SPG7: variants seen among roughly 807,000 people sequenced by gnomAD.
SPG7 encodes the protein SPG7 matrix AAA peptidase subunit, paraplegin.
A neutral mutation model predicts 81.9 loss-of-function variants in SPG7; 103 were observed. That is an observed-to-expected ratio of 1.26 (90% confidence interval 1.07 to 1.48). The LOEUF is 1.48. Among genes scored for constraint, SPG7 ranks in the 40% most tolerant of loss-of-function variants. SPG7 has a pLI of 0.00. For synonymous variants in SPG7, 534 were observed against 444.2 expected, an observed-to-expected ratio of 1.20 and a Z score of -2.54; for missense variants, 1,241 against 1,087.3, an observed-to-expected ratio of 1.14 and a Z score of -1.99.
Position 89,537,097 on chromosome 16 carries a change from A to G in SPG7, c.1324+4461A>G. 4.6e-6 allele frequency: 7 copies of G among 1,517,034 alleles called. No homozygotes were observed. The South Asian group carries it at 6.2e-5, about 13-fold the overall frequency. 94.0% of individuals were successfully genotyped at this position (1,517,034 alleles called of 1,614,324 possible). The stretch of plus-strand genomic sequence containing the variant: ...CAGCTCTAAACAAGTCCCTTTATGC[A>G]GAGCCACAGCTGTGCATGCTCAGCC... On this transcript the variant is annotated intron_variant, in intron 9 of 16. Transcript: ENST00000645818.
intron 5 of SPG7, among the ~76,000 whole-genome samples, chr16:89,527,568 C>T (rs74960453): frequency 0.032 from 4,881 of 152,250 alleles, 147 homozygotes; most frequent in East Asian, 0.07. Flanking sequence ...CTCTCTTCTA[C>T]AGACAGGAAA....
At chr16:89,523,338 G>T (rs2152399166) in intron 3 of SPG7, 1 of 266,408 alleles carries the variant, frequency 3.8e-6, no homozygotes, top group Non-Finnish European at 7.5e-6. Context: ...TGAGTAAAAA[G>T]TTCAGAATGG....
rs751484402 is a variant in SPG7 at position 89,548,118 on chromosome 16, A to AG, written c.1663+10dup. On this transcript the variant is annotated splice_donor_region_variant and intron_variant, in intron 12 of 16. Coordinates refer to ENST00000645818, the MANE Select transcript of SPG7 (RefSeq NM_003119.4). ...CCGTGGAGCGCGTCCTCGCAGGTACAGGGGGCGCGCCCTGGGTGAAGGCCC... is the reference window on the plus strand; with the variant it reads ...CCGTGGAGCGCGTCCTCGCAGGTACAGGGGGGCGCGCCCTGGGTGAAGGCCC... The AG allele has an allele frequency of 6.3e-7, 1 of 1,593,758 alleles. No individual in the cohort carries two copies. The highest frequency in any genetic ancestry group is 8.5e-7 in the Non-Finnish European group (1 of 1,170,972).
intron 9 of SPG7, chr16:89,543,883 G>C (rs1011500096): frequency 6.6e-6 from 1 of 152,456 alleles, no homozygotes; most frequent in South Asian, 2.1e-4. Flanking sequence ...TCCTGGCCTC[G>C]TGATCTGCCT....
At chr16:89,529,371 C>A in intron 5 of SPG7, 106 bp from the exon 6 acceptor site, 1 of 760,726 alleles carries the variant, frequency 1.3e-6, no homozygotes, top group South Asian at 1.5e-5. Context: ...CGTAGGGATT[C>A]CTCGTCTCAT....
intron 3 of SPG7, chr16:89,517,264 C>T (rs190347833): frequency 7.2e-6 from 1 of 139,820 alleles, no homozygotes; most frequent in East Asian, 2.2e-4. Flanking sequence ...GGCATGGCAG[C>T]CTCCGTTGTC....
chr16:89,508,529 G>T lies in SPG7; in HGVS notation c.112G>T (p.Gly38Trp). 6.6e-7 allele frequency: 1 copy of T among 1,512,994 alleles called. No homozygotes were observed. Among genetic ancestry groups the T allele is most frequent in the South Asian group, 1.2e-5 (1 of 81,514 alleles). 93.7% of individuals were successfully genotyped at this position (1,512,994 alleles called of 1,614,324 possible). A position where few individuals can be genotyped will look rare whatever the true frequency, so the allele number is the denominator to read the frequency against. ...AWSPGFPARP[G>W]RGRPYMASRP... ...GAGTCCAGGGTTCCCCGCCAGGCCC[G>T]GGAGGGGGCGGCCGTACATGGCCAG... Residue 38 changes from glycine to tryptophan, a missense_variant, in exon 1 of 17, where the codon GGG becomes TGG. Coordinates refer to ENST00000645818, the MANE Select transcript of SPG7 (RefSeq NM_003119.4).
chr16:89,531,595 A>G, intron 7 of SPG7: 1 of 400,100 alleles, frequency 2.5e-6, no homozygotes, highest in African/African-American at 2.1e-5. Context: ...GCTGGTCTCA[A>G]ACTCCTGATC....
At chr16:89,532,412 CTTTG>C (rs1347486983) in intron 8 of SPG7, 47 bp from the exon 9 acceptor site, 3 of 1,600,936 alleles carry the variant, frequency 1.9e-6, no homozygotes, top group Non-Finnish European at 1.7e-6. Flanking sequence ...CAGGAAGAGG[CTTTG>C]TTTTTTATTA....
At chr16:89,529,349 A>T in intron 5 of SPG7, 128 bp from the exon 6 acceptor site, 1 of 714,576 alleles carries the variant, frequency 1.4e-6, no homozygotes, top group Non-Finnish European at 2.6e-6. Flanking sequence ...TAATCTGCGC[A>T]TCGGTCCCAG....
Position 89,557,049 on chromosome 16 carries a change from C to G in SPG7, c.2344C>G (p.Gln782Glu), listed in dbSNP as rs896377616. The change falls in exon 17 of 17, where the codon CAG (glutamine) becomes GAG (glutamate). Residue 782 changes from glutamine to glutamate, a missense_variant. Gln to Glu is a conservative substitution (Grantham distance 29). Coordinates refer to ENST00000645818, the MANE Select transcript of SPG7 (RefSeq NM_003119.4). ...DLGEEETEET[Q>E]QPPLGGEEPT... ...GGGCGAGGAGGAGACCGAAGAGACCCAGCAGCCTCCACTTGGAGGCGAAGA... is the reference window on the plus strand; with the variant it reads ...GGGCGAGGAGGAGACCGAAGAGACCGAGCAGCCTCCACTTGGAGGCGAAGA... 2.5e-6 allele frequency: 4 copies of G among 1,612,308 alleles called. No homozygotes were observed. Among genetic ancestry groups the G allele is most frequent in the Non-Finnish European group, 3.4e-6 (4 of 1,180,018 alleles).
chr16:89,540,351 C>G (rs1245276387), intron 9 of SPG7: 2 of 152,116 alleles, frequency 1.3e-5, no homozygotes, highest in Non-Finnish European at 2.9e-5. Flanking sequence ...TTTTGCGCGT[C>G]TGAGTTGGAA....
intron 9 of SPG7, among the ~76,000 whole-genome samples, chr16:89,534,686 A>G (rs2058388575): frequency 6.6e-6 from 1 of 152,218 alleles, no homozygotes; most frequent in African/African-American, 2.4e-5. Flanking sequence ...CTCTCATTGC[A>G]AAATCACTTT....
At chr16:89,548,288 TTAAAATATCACAGATTTACC>T in intron 12 of SPG7, 175 bp downstream of exon 12, 1 of 590,238 alleles carries the variant, frequency 1.7e-6, no homozygotes, top group Non-Finnish European at 3.0e-6. Context: ...TTTCCTTAGT[TTAAAATATCACAGATTTACC>T]TAAGAGTAGA....
chr16:89,548,482 G>A (rs1010488630), intron 12 of SPG7: 28 of 306,748 alleles, frequency 9.1e-5, no homozygotes, highest in Non-Finnish European at 1.2e-4. Flanking sequence ...AGCTCCAGCC[G>A]CTGACTGTGG....
In SPG7 at chr16:89,510,358, T is replaced by C. The variant is rs3922634; in HGVS notation, c.184-132T>C. On this transcript the variant is annotated intron_variant, in intron 1 of 16. Coordinates refer to ENST00000645818, the MANE Select transcript of SPG7 (RefSeq NM_003119.4). ...TGACCTATTGCTCAGACTATTACTT[T>C]ATATTTCAGGGCAATGTAGATATTA... The C allele has an allele frequency of 0.47, 315,523 of 667,414 alleles. 76,748 individuals are homozygous for C. The highest frequency in any genetic ancestry group is 0.69 in the East Asian group (25,617 of 36,936). 41.3% of individuals were successfully genotyped at this position (667,414 alleles called of 1,614,324 possible). A position where few individuals can be genotyped will look rare whatever the true frequency, so the allele number is the denominator to read the frequency against.
intron 3 of SPG7, among the ~76,000 whole-genome samples, chr16:89,515,848 C>T (rs1281971451): frequency 6.6e-6 from 1 of 151,818 alleles, no homozygotes; most frequent in African/African-American, 2.4e-5. Flanking sequence ...GCTGGGACTA[C>T]AGGCGTGCGC....
rs564411648 is a variant in SPG7, at chr16:89,553,057, G to C, written c.1858G>C (p.Glu620Gln). The C allele has an allele frequency of 4.3e-6, 7 of 1,614,028 alleles. No homozygotes were observed. The Admixed American group carries it at 8.3e-5, about 19-fold the overall frequency. ...CAGAGACCAGCACCTCTTCACCAAG[G>C]AGCAGCTGTTTGAGCGGATGTGCAT... Reference protein sequence around the residue: ...LPRDQHLFTKEQLFERMCMAL... With the variant: ...LPRDQHLFTKQQLFERMCMAL... The change falls in exon 14 of 17, where the codon GAG (glutamate) becomes CAG (glutamine). Residue 620 changes from glutamate to glutamine, a missense_variant. Physicochemically the swap from Glu to Gln is conservative, Grantham distance 29. Transcript: ENST00000645818.
intron 4 of SPG7, 53 bp downstream of exon 4, chr16:89,524,300 G>C: frequency 6.4e-7 from 1 of 1,571,700 alleles, no homozygotes; most frequent in Non-Finnish European, 8.6e-7. Flanking sequence ...CAGGCTGGCA[G>C]CCTGTGAGAG....
Sources: gnomAD v4.1 joint callset for allele counts (sites outside exome capture counted in the v4.1 genomes callset) on GRCh38, gnomAD v4.1.1 for gene constraint, MANE v1.5 for transcripts, NCBI Gene and HGNC (gene_info 2026-07-23, HGNC 2026-07-21) for gene names.